HYAL4: variants seen among roughly 807,000 people sequenced by gnomAD.
HYAL4 encodes the protein hyaluronidase 4, also known as hyaluronidase-4.
HYAL4 carries 37 observed loss-of-function variants against 35.2 expected under a neutral mutation model. The ratio of observed to expected loss-of-function variants is 1.05; its 90% CI spans 0.81 to 1.38. The LOEUF is 1.38. HYAL4 is among the 40% of genes most tolerant of loss of function. The probability of loss-of-function intolerance (pLI) is 0.00; values close to 1 mark genes in which losing one functional copy is unlikely to be tolerated. For synonymous variants in HYAL4, 198 were observed against 203.2 expected (o/e 0.97, Z 0.22); for missense variants, 572 against 572.4 (o/e 1.00, Z 0.01).
chr7:123,817,039 C>T, the HYAL4 span, among the ~76,000 whole-genome samples: 1 of 152,176 alleles, frequency 6.6e-6, no homozygotes, highest in South Asian at 2.1e-4. Context: ...TCCTATAACG[C>T]AGGAAAGCTT....
the HYAL4 span, among the ~76,000 whole-genome samples, chr7:123,765,053 C>T: frequency 9.9e-4 from 151 of 152,220 alleles, no homozygotes; most frequent in African/African-American, 3.5e-3. Flanking sequence ...ACATTAAGTA[C>T]GTAACAGCTA....
At chr7:123,861,654 T>C (rs888571490) in intron 2 of HYAL4, among the ~76,000 whole-genome samples, 1 of 152,196 alleles carries the variant, frequency 6.6e-6, no homozygotes, top group South Asian at 2.1e-4. Context: ...CTGAATAATA[T>C]AGTGAATTTA....
At chr7:123,843,479 G>C (rs183537972), upstream of HYAL4, among the ~76,000 whole-genome samples, 67 of 151,928 alleles carry the variant, frequency 4.4e-4, no homozygotes, top group East Asian at 0.012. Flanking sequence ...TATGTGTCTT[G>C]GGGTTGCTCT....
intron 1 of HYAL4, among the ~76,000 whole-genome samples, chr7:123,846,522 T>C (rs1584913851): frequency 6.6e-6 from 1 of 152,036 alleles, no homozygotes; most frequent in East Asian, 2.0e-4. Flanking sequence ...CGAGTCTGTT[T>C]CCAAGCAGTG....
At chr7:123,864,129 A>G (rs1228103868) in intron 2 of HYAL4, among the ~76,000 whole-genome samples, 1 of 152,200 alleles carries the variant, frequency 6.6e-6, no homozygotes, top group African/African-American at 2.4e-5. Flanking sequence ...GATTAGAACT[A>G]TGAAACCAAG....
chr7:123,803,634 T>C, the HYAL4 span, among the ~76,000 whole-genome samples: 17,686 of 152,242 alleles, frequency 0.12, 1,135 homozygotes, highest in Non-Finnish European at 0.14. Context: ...CTCATCTCTG[T>C]TCTGTAGATA....
chr7:123,861,684 T>G (rs1425280026), intron 2 of HYAL4, among the ~76,000 whole-genome samples: 1 of 152,180 alleles, frequency 6.6e-6, no homozygotes, highest in Admixed American at 6.6e-5. Flanking sequence ...AAAGTGACAC[T>G]GAAATAGTCA....
upstream of HYAL4, among the ~76,000 whole-genome samples, chr7:123,824,875 A>G (rs1029173522): frequency 1.3e-5 from 2 of 152,112 alleles, no homozygotes; most frequent in African/African-American, 4.8e-5. Flanking sequence ...GCACATAATA[A>G]TGTGTGCTGA....
At chr7:123,872,571 T>TGTAG (rs1468607063) in intron 3 of HYAL4, among the ~76,000 whole-genome samples, 1 of 152,202 alleles carries the variant, frequency 6.6e-6, no homozygotes, top group East Asian at 1.9e-4. Context: ...AAGGATCATG[T>TGTAG]GTAGGTGCAA....
the HYAL4 span, among the ~76,000 whole-genome samples, chr7:123,767,452 C>T: frequency 6.6e-6 from 1 of 152,194 alleles, no homozygotes; most frequent in Non-Finnish European, 1.5e-5. Flanking sequence ...TTTTATTCTT[C>T]ATCTTTCAGC....
At chr7:123,817,667 C>T in the HYAL4 span, among the ~76,000 whole-genome samples, 17 of 150,800 alleles carry the variant, frequency 1.1e-4, no homozygotes, top group East Asian at 1.8e-3. Flanking sequence ...TGTGCCACCA[C>T]GCCGGCTAAT....
Position 123,868,876 on chromosome 7 carries a change from A to T in HYAL4, c.603A>T (p.Glu201Asp). The T allele has an allele frequency of 6.2e-7, 1 of 1,614,206 alleles. No individual in the cohort carries two copies. Among genetic ancestry groups the T allele is most frequent in the Non-Finnish European group, 8.5e-7 (1 of 1,180,014 alleles). Residue 201 changes from glutamate (E) to aspartate (D), a missense_variant, in exon 3 of 5, where the codon GAA becomes GAT. By Grantham distance (45) the Glu-to-Asp change is conservative. Transcript: ENST00000223026. ...AAAGTGCAAAAGCTTTCATGAAGGA[A>T]ACCATCAAATTGGGAATTAAGAGCC... ...FEESAKAFMK[E>D]TIKLGIKSRP...
At chr7:123,817,318 A>G in the HYAL4 span, among the ~76,000 whole-genome samples, 2 of 151,940 alleles carry the variant, frequency 1.3e-5, no homozygotes, top group Non-Finnish European at 2.9e-5. Context: ...TCCTCTTTCC[A>G]TTATCGGATG....
At chr7:123,813,434 C>T in the HYAL4 span, among the ~76,000 whole-genome samples, 1 of 152,106 alleles carries the variant, frequency 6.6e-6, no homozygotes, top group Non-Finnish European at 1.5e-5. Flanking sequence ...ATATACAATC[C>T]AGTTTCTTTA....
the HYAL4 span, among the ~76,000 whole-genome samples, chr7:123,804,116 A>C: frequency 6.6e-6 from 1 of 152,224 alleles, no homozygotes; most frequent in Admixed American, 6.5e-5. Context: ...TCCCCTCTCT[A>C]ACAAAGCTGA....
chr7:123,870,759 C>CAA lies in HYAL4; in HGVS notation c.954+1546_954+1547dup, dbSNP rs377084649. ...TGGGCGACAGAGCGAAACTCCATCT[C>CAA]AAAAAAAAAAAAAAAGAAAGAAAGT... On this transcript the variant is annotated intron_variant, in intron 3 of 4. Transcript: ENST00000223026. 7.4e-3 allele frequency among the ~76,000 whole-genome samples: 632 copies of CAA among 85,950 alleles called. 6 individuals carry two copies. The highest frequency in any genetic ancestry group is 0.025 in the African/African-American group (590 of 23,320). 56.4% of individuals were successfully genotyped at this position (85,950 alleles called of 152,430 possible).
the HYAL4 span, among the ~76,000 whole-genome samples, chr7:123,782,973 A>G: frequency 2.9e-4 from 44 of 152,046 alleles, no homozygotes; most frequent in African/African-American, 9.6e-4. Flanking sequence ...AGGAATAACA[A>G]TTTTTTATCA....
the HYAL4 span, among the ~76,000 whole-genome samples, chr7:123,785,495 G>T: frequency 6.6e-6 from 1 of 152,140 alleles, no homozygotes; most frequent in Admixed American, 6.6e-5. This position sits in a 1 kb window ranked among gnomAD's most constrained non-coding sequence, Gnocchi z 4.5. Flanking sequence ...ATTCAGAAGG[G>T]CTGCACTCAA....
At chr7:123,832,722 C>T (rs998073427) in intron 1 of HYAL4, among the ~76,000 whole-genome samples, 4 of 151,730 alleles carry the variant, frequency 2.6e-5, no homozygotes, top group Non-Finnish European at 2.9e-5. Flanking sequence ...AGGATGGTCT[C>T]GATCTCCAGA....
Sources: allele counts gnomAD v4.1 joint callset (sites outside exome capture counted in the v4.1 genomes callset), GRCh38; gene constraint gnomAD v4.1.1; non-coding constraint Gnocchi (gnomAD v3.1); transcripts MANE v1.5; gene names NCBI Gene and HGNC (gene_info 2026-07-23, HGNC 2026-07-21).